Variants in PTGR1 observed in about 807,000 individuals in gnomAD.
PTGR1 encodes 15-oxoprostaglandin 13-reductase.
In PTGR1, 23 loss-of-function variants were observed where a neutral mutation model predicts 37.7. The observed-to-expected ratio is 0.61, with a 90% CI of 0.44 to 0.86. The LOEUF (loss-of-function observed/expected upper bound fraction) is 0.86. Among genes scored for constraint, PTGR1 ranks in the 40% least tolerant of loss-of-function variants. PTGR1 has a pLI of 0.00. For synonymous variants in PTGR1, 134 were observed against 140.0 expected, an observed-to-expected ratio of 0.96 and a Z score of 0.30; for missense variants, 351 against 394.3, an observed-to-expected ratio of 0.89 and a Z score of 0.93.
intron 7 of PTGR1, among the ~76,000 whole-genome samples, chr9:111,575,094 C>T (rs527570980): frequency 6.6e-6 from 1 of 152,100 alleles, no homozygotes; most frequent in African/African-American, 2.4e-5. Context: ...TGAGGTCAGG[C>T]GTTCCAGACC....
intron 2 of PTGR1, among the ~76,000 whole-genome samples, chr9:111,596,376 A>C (rs1371897154): frequency 6.6e-6 from 1 of 152,066 alleles, no homozygotes; most frequent in Non-Finnish European, 1.5e-5. Flanking sequence ...GCACTTTGGG[A>C]GGTCAAGGCG....
At position 111,588,903 on chromosome 9, in the gene PTGR1, G is replaced by A. The variant is rs188341587; in HGVS notation, c.210-2738C>T. 7.3e-3 allele frequency among the ~76,000 whole-genome samples: 1,110 copies of A among 152,200 alleles called. 8 individuals are homozygous for A. The highest frequency in any genetic ancestry group is 0.011 in the Non-Finnish European group (779 of 68,026). On this transcript the variant is annotated intron_variant, in intron 4 of 9. Transcript: ENST00000407693. ...TCAAACTCCTAGATCCACCCACCTC[G>A]ACCTCCTGAAGTGCTGGGATTATAG... is the stretch of plus-strand genomic sequence containing the variant.
intron 9 of PTGR1, among the ~76,000 whole-genome samples, chr9:111,568,509 T>C (rs1828675030): frequency 6.6e-6 from 1 of 152,196 alleles, no homozygotes; most frequent in South Asian, 2.1e-4. Context: ...TAGACCCTTA[T>C]CAGTAATTCT....
chr9:111,563,023 T>C lies in PTGR1; in HGVS notation c.*98A>G. On this transcript the variant is annotated 3_prime_UTR_variant, in exon 10 of 10. Coordinates refer to ENST00000407693, the MANE Select transcript of PTGR1 (RefSeq NM_001146108.2). Reference sequence around the variant, plus strand: ...AGCTCAAACTCATTATGAGTACTATTTCTTAAGACATTTAAGGTAGTATAC... The same window carrying C: ...AGCTCAAACTCATTATGAGTACTATCTCTTAAGACATTTAAGGTAGTATAC... The C allele has an allele frequency of 1.3e-6, 2 of 1,490,846 alleles. No homozygotes were observed. Among genetic ancestry groups the C allele is most frequent in the South Asian group, 1.4e-5 (1 of 72,910 alleles). 92.4% of individuals were successfully genotyped at this position (1,490,846 alleles called of 1,614,324 possible). A position where few individuals can be genotyped will look rare whatever the true frequency, so the allele number is the denominator to read the frequency against.
intron 8 of PTGR1, among the ~76,000 whole-genome samples, chr9:111,570,767 A>C (rs970210121): frequency 1.1e-4 from 16 of 152,262 alleles, no homozygotes; most frequent in African/African-American, 3.9e-4. Context: ...TGACAGAATG[A>C]GACTCTGCCT....
chr9:111,549,898 T>C (rs898663369), intron 9 of PTGR1: 46 of 739,712 alleles, frequency 6.2e-5, no homozygotes, highest in Non-Finnish European at 9.5e-5. Flanking sequence ...CTCATGTCCA[T>C]TTTTTGTTGG....
chr9:111,594,323 T>TAG, intron 2 of PTGR1, 56 bp from the exon 3 acceptor site: 1 of 1,474,142 alleles, frequency 6.8e-7, no homozygotes, highest in South Asian at 1.1e-5. Context: ...AGAGGAACAA[T>TAG]AGACACTGAG....
chr9:111,578,876 AGAC>A lies in PTGR1; in HGVS notation c.568_570del (p.Val190del). ...AAAGACTCTACCGTCTTGTAGTTAA[AGAC>A]GACATCAAATCCAAGCTTTTGAAGG... On this transcript the variant is annotated inframe_deletion, in exon 7 of 10. Transcript: ENST00000407693. The A allele has an allele frequency of 6.2e-7, 1 of 1,613,508 alleles. No individual in the cohort carries two copies. The highest frequency in any genetic ancestry group is 8.5e-7 in the Non-Finnish European group (1 of 1,179,736).
intron 8 of PTGR1, among the ~76,000 whole-genome samples, chr9:111,572,956 G>A (rs1033940319): frequency 1.3e-5 from 2 of 152,018 alleles, no homozygotes; most frequent in African/African-American, 4.8e-5. Context: ...AGCATATGTA[G>A]CATTAAACCT....
downstream of PTGR1, among the ~76,000 whole-genome samples, chr9:111,558,572 AC>A (rs1828189208): frequency 6.6e-6 from 1 of 152,172 alleles, no homozygotes. Context: ...CAGCCCCAGA[AC>A]AAACCATTTC....
intron 5 of PTGR1, among the ~76,000 whole-genome samples, chr9:111,584,990 C>T (rs1347500556): frequency 6.6e-6 from 1 of 151,836 alleles, no homozygotes; most frequent in African/African-American, 2.4e-5. Flanking sequence ...AAATCCAGAC[C>T]CATTATAGTG....
intron 4 of PTGR1, 43 bp downstream of exon 4, chr9:111,592,883 G>A (rs764154068): frequency 3.2e-5 from 50 of 1,572,974 alleles, no homozygotes; most frequent in Middle Eastern, 1.7e-4. Flanking sequence ...GAGGTAAAGA[G>A]GAGACATATT....
At chr9:111,577,166 C>T (rs938432559) in intron 7 of PTGR1, 1 of 151,924 alleles carries the variant, frequency 6.6e-6, no homozygotes, top group Non-Finnish European at 1.5e-5. Context: ...GATATTTCTC[C>T]AAAGAAGATA....
intron 5 of PTGR1, among the ~76,000 whole-genome samples, chr9:111,585,420 AG>A (rs1290091167): frequency 1.3e-5 from 2 of 152,198 alleles, no homozygotes; most frequent in African/African-American, 4.8e-5. Context: ...TCACCCATAG[AG>A]GGTACAGGGC....
intron 1 of PTGR1, among the ~76,000 whole-genome samples, chr9:111,599,046 C>T (rs1455634288): frequency 6.6e-6 from 1 of 152,036 alleles, no homozygotes; most frequent in African/African-American, 2.4e-5. Flanking sequence ...TCCCTTTCCC[C>T]AAAAAAGCAA....
Position 111,583,447 on chromosome 9 carries a change from C to G in PTGR1, c.495+25G>C, listed in dbSNP as rs775918050. ...ATTCCCAATGGGTTTTGAATAAAGGCTTGTTACTGGAGAAAGGCACTTACC... is the reference window on the plus strand; with the variant it reads ...ATTCCCAATGGGTTTTGAATAAAGGGTTGTTACTGGAGAAAGGCACTTACC... On this transcript the variant is annotated intron_variant, in intron 6 of 9. Transcript: ENST00000407693. The G allele has an allele frequency of 3.2e-6, 5 of 1,546,288 alleles. No homozygotes were observed. In the East Asian group the frequency reaches 1.1e-4, roughly 35 times the overall value.
chr9:111,581,503 C>A (rs767402), intron 6 of PTGR1, among the ~76,000 whole-genome samples: 55,638 of 151,964 alleles, frequency 0.37, 10,649 homozygotes, highest in African/African-American at 0.47. Context: ...ATAAGCACCT[C>A]AAAGAAAAGT....
chr9:111,553,868 A>C (rs1478081555), intron 9 of PTGR1, among the ~76,000 whole-genome samples: 1 of 152,254 alleles, frequency 6.6e-6, no homozygotes. Flanking sequence ...AAATTGGAGT[A>C]GCTTAACTGA....
intron 8 of PTGR1, among the ~76,000 whole-genome samples, chr9:111,571,273 A>G (rs1314614904): frequency 6.7e-6 from 1 of 149,382 alleles, no homozygotes; most frequent in African/African-American, 2.4e-5. Context: ...TTAGCTGGGC[A>G]TGGTGGCACA....
Sources: allele counts gnomAD v4.1 joint callset (sites outside exome capture counted in the v4.1 genomes callset), GRCh38; gene constraint gnomAD v4.1.1; transcripts MANE v1.5; gene names NCBI Gene and HGNC (gene_info 2026-07-23, HGNC 2026-07-21).